ROBO1: variants seen among roughly 807,000 people sequenced by gnomAD.
ROBO1 encodes roundabout guidance receptor 1.
In ROBO1, 149 loss-of-function variants were observed where a neutral mutation model predicts 195.9. The observed-to-expected ratio is 0.76, with a 90% CI of 0.67 to 0.87. The LOEUF is 0.87. ROBO1 is among the 40% of genes least tolerant of loss of function. The probability of loss-of-function intolerance (pLI) is 0.00; values close to 1 mark genes in which losing one functional copy is unlikely to be tolerated. For missense variants in ROBO1, 1,933 were observed against 2,068.3 expected (o/e 0.93, Z 1.27); for synonymous variants, 816 against 733.2 (o/e 1.11, Z -1.82).
At chr3:79,059,442 T>C (rs921589433) in intron 3 of ROBO1, among the ~76,000 whole-genome samples, 1 of 152,002 alleles carries the variant, frequency 6.6e-6, no homozygotes, top group Non-Finnish European at 1.5e-5. Context: ...AGTCAAAGAA[T>C]CCTGCATCAA....
At chr3:79,684,210 G>A (rs1421880673) in intron 1 of ROBO1, among the ~76,000 whole-genome samples, 2 of 152,086 alleles carry the variant, frequency 1.3e-5, no homozygotes, top group African/African-American at 4.8e-5. Flanking sequence ...AAGATGTTCA[G>A]CATCTTTTCA....
chr3:78,809,643 T>C (rs926420840), intron 4 of ROBO1, among the ~76,000 whole-genome samples: 5 of 102,456 alleles, frequency 4.9e-5, no homozygotes, highest in South Asian at 2.9e-4. Context: ...ATATACACCA[T>C]GGAATACTAT....
At position 79,738,756 on chromosome 3, in the gene ROBO1, T is replaced by A. The variant is rs368191375; in HGVS notation, c.-51+28996A>T. Reference sequence around the variant, plus strand: ...AGGCTACTGCATTGTGTATTTAATGTTATTTAGAATTTTTGTTCATATATT... The same window carrying A: ...AGGCTACTGCATTGTGTATTTAATGATATTTAGAATTTTTGTTCATATATT... On this transcript the variant is annotated intron_variant, in intron 1 of 30. Coordinates refer to ENST00000464233, the MANE Select transcript of ROBO1 (RefSeq NM_002941.4). 1.1e-4 allele frequency among the ~76,000 whole-genome samples: 17 copies of A among 152,298 alleles called. No individual in the cohort carries two copies. The East Asian group carries it at 3.1e-3, about 28-fold the overall frequency.
intron 3 of ROBO1, among the ~76,000 whole-genome samples, chr3:79,061,070 T>C (rs2078908509): frequency 6.6e-6 from 1 of 152,172 alleles, no homozygotes; most frequent in African/African-American, 2.4e-5. Context: ...TGTCCCTGTT[T>C]GCAGATGACA....
chr3:79,018,282 G>A (rs1464278797), intron 3 of ROBO1: 2 of 1,076,694 alleles, frequency 1.9e-6, no homozygotes, highest in Non-Finnish European at 2.8e-6. Context: ...AAGTCTAGCA[G>A]GAATCGAGCC....
At chr3:78,692,987 C>A in intron 8 of ROBO1, 1 of 180,474 alleles carries the variant, frequency 5.5e-6, no homozygotes, top group Non-Finnish European at 1.1e-5. Flanking sequence ...CCAAAAGAAC[C>A]AAAATCATTC....
chr3:79,222,093 T>G (rs2082149413), intron 2 of ROBO1, among the ~76,000 whole-genome samples: 1 of 152,072 alleles, frequency 6.6e-6, no homozygotes, highest in African/African-American at 2.4e-5. Context: ...CTCTTACAGA[T>G]TTGTAATTCT....
intron 3 of ROBO1, among the ~76,000 whole-genome samples, chr3:79,010,804 T>A (rs993706944): frequency 6.6e-6 from 1 of 152,170 alleles, no homozygotes; most frequent in Admixed American, 6.5e-5. Flanking sequence ...TCATGGAGAT[T>A]AATAGCAATG....
chr3:79,379,999 A>C (rs1348010941), intron 2 of ROBO1, among the ~76,000 whole-genome samples: 1 of 152,218 alleles, frequency 6.6e-6, no homozygotes, highest in African/African-American at 2.4e-5. Flanking sequence ...CACATGTTCC[A>C]ATACAAATCA....
chr3:79,411,177 G>T (rs2037749314), intron 2 of ROBO1, among the ~76,000 whole-genome samples: 1 of 152,084 alleles, frequency 6.6e-6, no homozygotes, highest in South Asian at 2.1e-4. Flanking sequence ...CACCTGTGAT[G>T]ACCTATAGGG....
At chr3:78,636,712 G>A (rs1241352777) in intron 22 of ROBO1, among the ~76,000 whole-genome samples, 1 of 151,472 alleles carries the variant, frequency 6.6e-6, no homozygotes, top group Non-Finnish European at 1.5e-5. Context: ...CGGAAAACAT[G>A]CTATATAATT....
intron 2 of ROBO1, among the ~76,000 whole-genome samples, chr3:79,510,552 C>CT (rs11293666): frequency 0.31 from 44,953 of 144,388 alleles, 8,377 homozygotes; most frequent in East Asian, 0.48. Context: ...ATCCTTTCTT[C>CT]TTTTTTTTTT....
chr3:79,084,595 C>T (rs1250988056), intron 3 of ROBO1, among the ~76,000 whole-genome samples: 2 of 152,144 alleles, frequency 1.3e-5, no homozygotes, highest in Admixed American at 6.5e-5. Flanking sequence ...TCCTCAAATG[C>T]TTTTTATATA....
intron 2 of ROBO1, among the ~76,000 whole-genome samples, chr3:79,490,272 T>C (rs1275347747): frequency 2.0e-5 from 3 of 152,208 alleles, no homozygotes; most frequent in Non-Finnish European, 2.9e-5. Context: ...CCTTATACTC[T>C]GGGCTTCAGT....
intron 3 of ROBO1, among the ~76,000 whole-genome samples, chr3:79,049,052 C>T (rs980913770): frequency 2.6e-5 from 4 of 152,048 alleles, no homozygotes; most frequent in East Asian, 3.9e-4. Flanking sequence ...ATCAGTTTGA[C>T]GAGTTGACAG....
chr3:79,480,306 T>C (rs572595599), intron 2 of ROBO1, among the ~76,000 whole-genome samples: 2 of 152,318 alleles, frequency 1.3e-5, no homozygotes, highest in South Asian at 2.1e-4. Context: ...CTGGGTCTTA[T>C]AGAATATGTT....
At chr3:79,145,010 G>C (rs969190869) in intron 2 of ROBO1, among the ~76,000 whole-genome samples, 1 of 151,886 alleles carries the variant, frequency 6.6e-6, no homozygotes, top group African/African-American at 2.4e-5. Flanking sequence ...ACATAAAATT[G>C]TTCTACAAAA....
intron 1 of ROBO1, among the ~76,000 whole-genome samples, chr3:79,591,344 A>G (rs1347746129): frequency 6.6e-6 from 1 of 151,864 alleles, no homozygotes; most frequent in African/African-American, 2.4e-5. Context: ...TTACCAAAGC[A>G]GAGTTAATTG....
At chr3:79,473,057 T>C (rs1194620873) in intron 2 of ROBO1, among the ~76,000 whole-genome samples, 1 of 152,148 alleles carries the variant, frequency 6.6e-6, no homozygotes, top group Non-Finnish European at 1.5e-5. Flanking sequence ...TCCAAAAAGA[T>C]ATACCCAAGT....
Sources: gnomAD v4.1 joint callset for allele counts (sites outside exome capture counted in the v4.1 genomes callset) on GRCh38, gnomAD v4.1.1 for gene constraint, MANE v1.5 for transcripts, NCBI Gene and HGNC (gene_info 2026-07-23, HGNC 2026-07-21) for gene names.